The following VLDLR variants were observed in gnomAD, a reference collection of about 807,000 sequenced individuals.
VLDLR encodes very low-density lipoprotein receptor.
VLDLR carries 81 observed loss-of-function variants against 112.7 expected under a neutral mutation model. That is an observed-to-expected ratio of 0.72 (90% CI 0.60 to 0.86). The LOEUF is 0.86. Ranked by LOEUF, VLDLR falls within the 40% of genes least tolerant of loss-of-function variation. The pLI is 0.00. For synonymous variants in VLDLR, 436 were observed against 384.8 expected (o/e 1.13, Z -1.56); for missense variants, 1,237 against 1,099.4 (o/e 1.13, Z -1.77).
chr9:2,637,827 C>T (rs1286434891), intron 2 of VLDLR, among the ~76,000 whole-genome samples: 1 of 152,162 alleles, frequency 6.6e-6, no homozygotes, highest in East Asian at 1.9e-4. Context: ...CCTGTAGTCC[C>T]AGCTACTCGG....
At chr9:2,651,367 C>A in intron 15 of VLDLR, 48 bp from the exon 16 acceptor site, 1 of 1,538,466 alleles carries the variant, frequency 6.5e-7, no homozygotes, top group Non-Finnish European at 9.0e-7. Context: ...AACAGCTAGC[C>A]ATGCTGGAAC....
At position 2,622,170 on chromosome 9, in the gene VLDLR, G is replaced by GCGGCAC. The variant is rs1554617689; in HGVS notation, c.-19_-18insGGCACC. ...AACGGCGGCGGCGGCGGCGGCGGCG[G>GCGGCAC]CACCATCCAGGCGGGCACCATGGGC... On this transcript the variant is annotated 5_prime_UTR_variant, in exon 1 of 19. Coordinates refer to ENST00000382100, the MANE Select transcript of VLDLR (RefSeq NM_003383.5). The GCGGCAC allele has an allele frequency of 6.3e-5, 92 of 1,458,704 alleles. No homozygotes were observed. The African/African-American group carries it at 9.8e-4, about 16-fold the overall frequency. 90.4% of individuals were successfully genotyped at this position (1,458,704 alleles called of 1,614,324 possible).
At chr9:2,642,414 T>G (rs1401875566) in intron 4 of VLDLR, among the ~76,000 whole-genome samples, 1 of 152,184 alleles carries the variant, frequency 6.6e-6, no homozygotes, top group Admixed American at 6.5e-5. Flanking sequence ...AATTGGGTTT[T>G]CTGTATTGGT....
chr9:2,641,238 G>A (rs570920944), intron 3 of VLDLR, 139 bp from the exon 4 acceptor site: 13 of 1,350,604 alleles, frequency 9.6e-6, no homozygotes, highest in African/African-American at 4.3e-5. Context: ...AGAGCTCCCC[G>A]GGCTTCAGCC....
At position 2,647,136 on chromosome 9, in the gene VLDLR, CTCAG is replaced by C. The variant is rs145882826; in HGVS notation, c.1704-333_1704-330del. ...TGGCCCCCGTGCAGCCTCATTAGAA[CTCAG>C]TCAGCCAGCCAACCCCTGCTATGAA... On this transcript the variant is annotated intron_variant, in intron 11 of 18. Transcript: ENST00000382100. Among the ~76,000 whole-genome samples, 505 of 146,586 alleles carry C rather than the reference CTCAG, an allele frequency of 3.4e-3. 1 individual carries two copies. The highest frequency in any genetic ancestry group is 6.2e-3 in the Non-Finnish European group (404 of 65,518).
In VLDLR at chr9:2,657,444, A is replaced by C. The variant is rs1199363244; in HGVS notation, c.*3576A>C. ...TATCCTGAACGTAGTTGTGACATAG[A>C]CATTTCTCAAAAGGGTCTGATACAT... On this transcript the variant is annotated 3_prime_UTR_variant, in exon 19 of 19. Coordinates refer to ENST00000382100, the MANE Select transcript of VLDLR (RefSeq NM_003383.5). The C allele has an allele frequency of 1.3e-5, 2 of 152,226 alleles. No homozygotes were observed. The highest frequency in any genetic ancestry group is 4.8e-5 in the African/African-American group (2 of 41,452). The allele number at this position is 152,226 out of a possible 1,614,324, so 9.4% of individuals were successfully genotyped here. A position where few individuals can be genotyped will look rare whatever the true frequency, so the allele number is the denominator to read the frequency against.
intron 1 of VLDLR, among the ~76,000 whole-genome samples, chr9:2,624,332 G>A (rs1034694463): frequency 1.3e-5 from 2 of 152,184 alleles, no homozygotes; most frequent in Non-Finnish European, 2.9e-5. Context: ...CAAAGTCTCA[G>A]GGCATGTGGG....
At position 2,658,982 on chromosome 9, in the gene VLDLR, A is replaced by G. The variant is rs574469940; in HGVS notation, c.*5114A>G. On this transcript the variant is annotated 3_prime_UTR_variant, in exon 19 of 19. Coordinates refer to ENST00000382100, the MANE Select transcript of VLDLR (RefSeq NM_003383.5). ...GTTTAAACCCTAGAAACATAAATGG[A>G]ATGTTTCTGCCTCAGTTCTTTTGAC... 10 of 152,244 alleles carry G rather than the reference A, an allele frequency of 6.6e-5. No individual in the cohort carries two copies. The East Asian group carries it at 1.5e-3, about 24-fold the overall frequency. 9.4% of individuals were successfully genotyped at this position (152,244 alleles called of 1,614,324 possible).
chr9:2,643,932 T>G lies in VLDLR; in HGVS notation c.1039T>G (p.Trp347Gly), dbSNP rs1369873442. 2 of 1,614,118 alleles carry G rather than the reference T, an allele frequency of 1.2e-6. No homozygotes were observed. The highest frequency in any genetic ancestry group is 1.7e-6 in the Non-Finnish European group (2 of 1,180,014). Residue 347 changes from tryptophan (W) to glycine (G), a missense_variant, in exon 7 of 19, where the codon TGG becomes GGG. Coordinates refer to ENST00000382100, the MANE Select transcript of VLDLR (RefSeq NM_003383.5). The stretch of plus-strand genomic sequence containing the variant: ...TAACCAGGAGCAGGACTGCAGGGAC[T>G]GGAGTGATGAGCCCCTGAAAGAGTG... ...VCNQEQDCRD[W>G]SDEPLKECHI...
rs940109591 is a variant in VLDLR, at chr9:2,659,649, A to G, written c.*5781A>G. The G allele has an allele frequency of 2.6e-5, 4 of 152,240 alleles. No homozygotes were observed. Among genetic ancestry groups the G allele is most frequent in the African/African-American group, 9.6e-5 (4 of 41,470 alleles). The allele number at this position is 152,240 out of a possible 1,614,324, so 9.4% of individuals were successfully genotyped here. ...AAATCTTAAGTTTCAAGGCTCTCCT[A>G]TAGGGAGAAACATGGCCAAAAAGAC... On this transcript the variant is annotated 3_prime_UTR_variant, in exon 19 of 19. Transcript: ENST00000382100.
chr9:2,646,338 T>A lies in VLDLR; in HGVS notation c.1489T>A (p.Ser497Thr), dbSNP rs1350396884. Residue 497 changes from serine (S) to threonine (T), a missense_variant, in exon 11 of 19, where the codon TCA (serine) becomes ACA (threonine). Coordinates refer to ENST00000382100, the MANE Select transcript of VLDLR (RefSeq NM_003383.5). ...TTGTGACCTATTCTGTTTCAGTGCC[T>A]CAATTGATGACAAGGTTGGTAGACA... Reference protein sequence around the residue: ...DLSQKAIFSASIDDKVGRHVK... With the variant: ...DLSQKAIFSATIDDKVGRHVK... 2.5e-6 allele frequency: 4 copies of A among 1,614,018 alleles called. No homozygotes were observed. In the South Asian group the frequency reaches 4.4e-5, roughly 18 times the overall value.
chr9:2,645,218 C>T, intron 9 of VLDLR, 136 bp downstream of exon 9: 1 of 1,301,412 alleles, frequency 7.7e-7, no homozygotes, highest in Non-Finnish European at 1.1e-6. Context: ...CATAATACAG[C>T]AGTATAGGTC....
At chr9:2,627,823 C>T (rs1817162446) in intron 1 of VLDLR, among the ~76,000 whole-genome samples, 1 of 150,766 alleles carries the variant, frequency 6.6e-6, no homozygotes, top group African/African-American at 2.4e-5. Flanking sequence ...CGAGATAACG[C>T]CACTGCACTC....
At chr9:2,641,537 C>G (rs1244509240) in intron 4 of VLDLR, 38 bp downstream of exon 4, 1 of 1,613,066 alleles carries the variant, frequency 6.2e-7, no homozygotes, top group South Asian at 1.1e-5. Flanking sequence ...ACCCAAAGAC[C>G]CTTTTCCTAA....
At chr9:2,639,197 G>C (rs144379291) in intron 2 of VLDLR, among the ~76,000 whole-genome samples, 2 of 152,332 alleles carry the variant, frequency 1.3e-5, no homozygotes, top group East Asian at 3.9e-4. Flanking sequence ...CCTGCCAGTA[G>C]ATCTGATATC....
At chr9:2,623,900 T>C (rs1348115125) in intron 1 of VLDLR, among the ~76,000 whole-genome samples, 1 of 152,212 alleles carries the variant, frequency 6.6e-6, no homozygotes, top group African/African-American at 2.4e-5. Flanking sequence ...TAATCATTAA[T>C]AGATGAGTAA....
intron 1 of VLDLR, among the ~76,000 whole-genome samples, chr9:2,632,996 C>T (rs1382714111): frequency 1.3e-5 from 2 of 150,906 alleles, no homozygotes; most frequent in Non-Finnish European, 2.9e-5. Flanking sequence ...TTTAGTAGCA[C>T]ACTGTACTCC....
chr9:2,643,116 C>T, intron 4 of VLDLR, 44 bp from the exon 5 acceptor site: 2 of 1,601,350 alleles, frequency 1.2e-6, no homozygotes, highest in Non-Finnish European at 1.7e-6. Context: ...CTTGAACGGA[C>T]CAATCTTGAT....
intron 3 of VLDLR, 130 bp downstream of exon 3, chr9:2,640,111 C>A (rs959254916): frequency 1.4e-6 from 2 of 1,422,964 alleles, no homozygotes; most frequent in Non-Finnish European, 2.0e-6. Context: ...CAATTGACTC[C>A]AAGGGCAGTC....
Sources: gnomAD v4.1 joint callset for allele counts (sites outside exome capture counted in the v4.1 genomes callset) on GRCh38, gnomAD v4.1.1 for gene constraint, MANE v1.5 for transcripts, NCBI Gene and HGNC (gene_info 2026-07-23, HGNC 2026-07-21) for gene names.